Variants in POR observed in about 807,000 individuals in gnomAD.
The protein encoded by POR is cytochrome p450 oxidoreductase.
POR carries 56 observed loss-of-function variants against 84.0 expected under a neutral mutation model. The ratio of observed to expected loss-of-function variants is 0.67; its 90% CI spans 0.54 to 0.83. The LOEUF (loss-of-function observed/expected upper bound fraction) is 0.83, where lower values mean the gene tolerates loss of function less well. Among genes scored for constraint, POR ranks in the 40% least tolerant of loss-of-function variants. The pLI is 0.00. For missense variants in POR, 938 were observed against 944.3 expected, an observed-to-expected ratio of 0.99 and a Z score of 0.09; for synonymous variants, 414 against 400.5, an observed-to-expected ratio of 1.03 and a Z score of -0.40.
chr7:75,954,706 A>ATTT (rs3043449), intron 2 of POR, among the ~76,000 whole-genome samples: 30 of 130,568 alleles, frequency 2.3e-4, no homozygotes, highest in African/African-American at 7.5e-4. Flanking sequence ...TGCCCAGCTA[A>ATTT]TTTTTTTTTT....
At position 75,986,209 on chromosome 7, in the gene POR, G is replaced by A; in HGVS notation, c.1866G>A (p.Leu622=). 10 of 1,612,620 alleles carry A rather than the reference G, an allele frequency of 6.2e-6. No homozygotes were observed. Among genetic ancestry groups the A allele is most frequent in the Non-Finnish European group, 7.6e-6 (9 of 1,179,782 alleles). ...AAGACCGAGAGCACCTGTGGAAGTT[G>A]ATCGAAGGCGGTGCCCACATCTACG... The change falls in exon 15 of 16, where the codon TTG becomes TTA. Residue 622 remains leucine, a synonymous_variant. Coordinates refer to ENST00000461988, the MANE Select transcript of POR (RefSeq NM_000941.3).
intron 7 of POR, 180 bp downstream of exon 7, chr7:75,981,786 CTGGGGCAGCGGGGTG>C: frequency 1.6e-6 from 1 of 611,190 alleles, no homozygotes; most frequent in East Asian, 2.8e-5. Context: ...CTGCACTGCC[CTGGGGCAGCGGGGTG>C]CATCCCACCT....
At chr7:75,955,096 TCTC>T (rs1787627773) in intron 2 of POR, among the ~76,000 whole-genome samples, 1 of 152,134 alleles carries the variant, frequency 6.6e-6, no homozygotes, top group African/African-American at 2.4e-5. Context: ...CACACCTTGG[TCTC>T]CCAGAGTGTC....
At chr7:75,958,087 A>G (rs1787764051) in intron 2 of POR, among the ~76,000 whole-genome samples, 1 of 152,180 alleles carries the variant, frequency 6.6e-6, no homozygotes, top group Non-Finnish European at 1.5e-5. Context: ...CCTGGTGCAT[A>G]GTAGGCTCTC....
chr7:75,967,588 A>C (rs11983044), intron 2 of POR, among the ~76,000 whole-genome samples: 2,186 of 151,596 alleles, frequency 0.014, 46 homozygotes, highest in African/African-American at 0.05. Context: ...CTGCCATAGC[A>C]ACCTGCAGGC....
chr7:75,926,587 C>T (rs1360291386), intron 1 of POR, among the ~76,000 whole-genome samples: 3 of 151,880 alleles, frequency 2.0e-5, no homozygotes, highest in Non-Finnish European at 4.4e-5. Flanking sequence ...CCTGAGGTCG[C>T]GAGTTCGAGA....
At chr7:75,939,650 G>A (rs189912189) in intron 1 of POR, among the ~76,000 whole-genome samples, 65 of 151,390 alleles carry the variant, frequency 4.3e-4, no homozygotes, top group African/African-American at 1.5e-3. Context: ...TATCGCCCAG[G>A]CTGGAGTGCA....
At chr7:75,928,881 G>A (rs988699694) in intron 1 of POR, among the ~76,000 whole-genome samples, 3 of 152,182 alleles carry the variant, frequency 2.0e-5, no homozygotes, top group South Asian at 2.1e-4. Context: ...CGGCAAGTAC[G>A]CAGCTCTCTT....
At chr7:75,933,099 T>A (rs924603639) in intron 1 of POR, among the ~76,000 whole-genome samples, 1 of 151,284 alleles carries the variant, frequency 6.6e-6, no homozygotes, top group Non-Finnish European at 1.5e-5. Context: ...CAAATAAGAG[T>A]TTGGATTATG....
At chr7:75,979,900 C>T (rs574298403) in intron 4 of POR, 9 of 380,694 alleles carry the variant, frequency 2.4e-5, no homozygotes, top group African/African-American at 4.1e-5. Flanking sequence ...CCCTCTCCTT[C>T]GAGGTCTTGG....
chr7:75,965,442 G>A (rs1238553666), intron 2 of POR, among the ~76,000 whole-genome samples: 1 of 152,102 alleles, frequency 6.6e-6, no homozygotes, highest in Admixed American at 6.5e-5. Context: ...TTCCAGCCTG[G>A]GGCTTCCTGC....
At chr7:75,963,323 C>T (rs575609027) in intron 2 of POR, among the ~76,000 whole-genome samples, 32 of 152,298 alleles carry the variant, frequency 2.1e-4, no homozygotes, top group East Asian at 7.7e-4. Context: ...GCTGTGGGAA[C>T]GGCGAGGACA....
At position 75,981,581 on chromosome 7, in the gene POR, G is replaced by T. The variant is rs781810399; in HGVS notation, c.706G>T (p.Val236Leu). ...GCCGGCCGTGTGTGAACACTTTGGG[G>T]TGGAAGCCACTGGCGAGGAGTCCAG... Residue 236 changes from valine (V) to leucine (L), a missense_variant, in exon 7 of 16, where the codon GTG becomes TTG. Val to Leu is a conservative substitution (Grantham distance 32, BLOSUM62 1). Transcript: ENST00000461988. 1 of 1,613,138 alleles carries T rather than the reference G, an allele frequency of 6.2e-7. No individual in the cohort carries two copies. The highest frequency in any genetic ancestry group is 8.5e-7 in the Non-Finnish European group (1 of 1,179,704).
At chr7:75,929,524 G>T (rs1368886752) in intron 1 of POR, among the ~76,000 whole-genome samples, 1 of 152,170 alleles carries the variant, frequency 6.6e-6, no homozygotes, top group African/African-American at 2.4e-5. Context: ...AAAGTGCTGG[G>T]ATAACAGGTG....
intron 2 of POR, among the ~76,000 whole-genome samples, chr7:75,956,457 A>G (rs566307641): frequency 4.9e-4 from 75 of 152,354 alleles, no homozygotes; most frequent in African/African-American, 1.7e-3. Flanking sequence ...CATCAAGCTT[A>G]CGCTCTAGTG....
chr7:75,985,446 C>T, intron 12 of POR, 133 bp from the exon 13 acceptor site: 3 of 1,228,142 alleles, frequency 2.4e-6, no homozygotes, highest in Admixed American at 2.9e-5. Context: ...GGGAGGGGGC[C>T]TCTGAGGTTT....
chr7:75,956,561 G>C (rs939775041), intron 2 of POR, among the ~76,000 whole-genome samples: 1 of 152,112 alleles, frequency 6.6e-6, no homozygotes, highest in South Asian at 2.1e-4. Flanking sequence ...TGGGGCTTTT[G>C]TCTTAAATGA....
intron 1 of POR, among the ~76,000 whole-genome samples, chr7:75,947,536 A>G (rs1203066728): frequency 1.3e-5 from 2 of 151,936 alleles, no homozygotes; most frequent in Non-Finnish European, 2.9e-5. Context: ...CTCAAGTGAT[A>G]TGCCTGCCTC....
At chr7:75,967,119 C>G (rs184173753) in intron 2 of POR, among the ~76,000 whole-genome samples, 2 of 152,178 alleles carry the variant, frequency 1.3e-5, no homozygotes, top group Admixed American at 6.5e-5. Flanking sequence ...GGATCACAGA[C>G]GCACACCTCT....
Sources: allele counts gnomAD v4.1 joint callset (sites outside exome capture counted in the v4.1 genomes callset), GRCh38; gene constraint gnomAD v4.1.1; transcripts MANE v1.5; gene names NCBI Gene and HGNC (gene_info 2026-07-23, HGNC 2026-07-21).